The following ZRANB3 variants were observed in gnomAD, a reference collection of about 807,000 sequenced individuals.
ZRANB3 encodes the protein DNA annealing helicase and endonuclease ZRANB3.
Under a neutral mutation model 133.8 loss-of-function variants are expected in ZRANB3, and 125 were observed. That is an observed-to-expected ratio of 0.93 (90% CI 0.81 to 1.08). The LOEUF (loss-of-function observed/expected upper bound fraction) is 1.08, where lower values mean the gene tolerates loss of function less well. Ranked by LOEUF, ZRANB3 falls within the 50% of genes least tolerant of loss-of-function variation. The probability of loss-of-function intolerance (pLI) is 0.00; values close to 1 mark genes in which losing one functional copy is unlikely to be tolerated. For synonymous variants in ZRANB3, 387 were observed against 432.7 expected (o/e 0.89, Z 1.31); for missense variants, 1,229 against 1,275.5 (o/e 0.96, Z 0.56).
chr2:135,370,575 G>C (rs1686133688), intron 3 of ZRANB3, among the ~76,000 whole-genome samples: 1 of 152,100 alleles, frequency 6.6e-6, no homozygotes, highest in African/African-American at 2.4e-5. Context: ...GTTGCATACA[G>C]GAGTAAAAGT....
chr2:135,240,100 G>GTCTTT (rs1695487254), intron 12 of ZRANB3, among the ~76,000 whole-genome samples: 1 of 152,112 alleles, frequency 6.6e-6, no homozygotes, highest in Admixed American at 6.6e-5. Flanking sequence ...CCAGTACATT[G>GTCTTT]GGAAGCCAAG....
At chr2:135,507,127 G>A (rs147693581) in intron 1 of ZRANB3, among the ~76,000 whole-genome samples, 4 of 152,374 alleles carry the variant, frequency 2.6e-5, no homozygotes, top group African/African-American at 9.6e-5. Context: ...AACAGCATCT[G>A]CTGATGCGGT....
chr2:135,283,776 C>T (rs1573826166), intron 8 of ZRANB3, among the ~76,000 whole-genome samples: 1 of 152,102 alleles, frequency 6.6e-6, no homozygotes, highest in African/African-American at 2.4e-5. Flanking sequence ...AATGTACAGA[C>T]TTTAAAGTCT....
At position 135,396,019 on chromosome 2, in the gene ZRANB3, T is replaced by C. The variant is rs141213453; in HGVS notation, c.162-5199A>G. 2.9e-3 allele frequency among the ~76,000 whole-genome samples: 444 copies of C among 152,228 alleles called. 2 individuals carry two copies. The highest frequency in any genetic ancestry group is 0.01 in the African/African-American group (420 of 41,542). ...TTTTTAAATGGACAAAAGATCTGAA[T>C]AGATATTTTTCAAAGGAAGACATAC... On this transcript the variant is annotated intron_variant, in intron 2 of 20. Coordinates refer to ENST00000264159, the MANE Select transcript of ZRANB3 (RefSeq NM_032143.4).
chr2:135,283,349 G>A (rs947586752), intron 8 of ZRANB3, among the ~76,000 whole-genome samples: 2 of 151,928 alleles, frequency 1.3e-5, no homozygotes, highest in Non-Finnish European at 2.9e-5. Context: ...GGTGGCTCAC[G>A]CCTGTAATCC....
At chr2:135,486,461 CTAATTCTCT>C (rs1410180311) in intron 2 of ZRANB3, among the ~76,000 whole-genome samples, 6 of 151,950 alleles carry the variant, frequency 3.9e-5, no homozygotes, top group Non-Finnish European at 7.4e-5. Flanking sequence ...GGCTCTACTT[CTAATTCTCT>C]TGCTATTTCC....
chr2:135,468,044 C>T (rs1327941611), intron 2 of ZRANB3, among the ~76,000 whole-genome samples: 2 of 152,166 alleles, frequency 1.3e-5, no homozygotes, highest in African/African-American at 4.8e-5. Flanking sequence ...ATAATCCAGG[C>T]ATCTTATTCT....
At chr2:135,417,948 C>G (rs906790469) in intron 2 of ZRANB3, among the ~76,000 whole-genome samples, 4 of 151,722 alleles carry the variant, frequency 2.6e-5, no homozygotes, top group Non-Finnish European at 5.9e-5. Flanking sequence ...CATCACACTC[C>G]GGGGACTGTT....
intron 5 of ZRANB3, among the ~76,000 whole-genome samples, chr2:135,345,891 T>C (rs1482091991): frequency 6.6e-6 from 1 of 152,196 alleles, no homozygotes; most frequent in African/African-American, 2.4e-5. Flanking sequence ...ATATATATTG[T>C]TACACTAGAA....
chr2:135,227,922 T>C lies in ZRANB3; in HGVS notation c.2048A>G (p.Asp683Gly), dbSNP rs753895556. 27 of 1,556,582 alleles carry C rather than the reference T, an allele frequency of 1.7e-5. No individual in the cohort carries two copies. The highest frequency in any genetic ancestry group is 3.3e-4 in the Middle Eastern group (2 of 6,022). The change falls in exon 14 of 21, where the codon GAC (aspartate) becomes GGC (glycine). Residue 683 changes from aspartate (D) to glycine (G), a missense_variant. Physicochemically the swap from Asp to Gly is moderately conservative, Grantham distance 94. Transcript: ENST00000264159. ...DTSKKVQTIS[D>G]CEKQALAQSE... ...CTGTGCAAGGGCTTGTTTTTCACAG[T>C]CTGAGATAGTTTGAACCTTTTTGGA...
Position 135,315,380 on chromosome 2 carries a change from A to G in ZRANB3, c.828T>C (p.Asp276=), listed in dbSNP as rs538433714. ...TCACCTTGGCAGCTGCTGATGGAAG[A>G]TCAAATGGAATACGCTGTCTGACTT... ...PPKVRQRIPF[D]LPSAAAKELN... The change falls in exon 7 of 21, where the codon GAT becomes GAC. Residue 276 remains aspartate (D), a synonymous_variant. Transcript: ENST00000264159. The G allele has an allele frequency of 2.5e-4, 402 of 1,578,856 alleles. 5 individuals carry two copies. In the South Asian group the frequency reaches 4.2e-3, roughly 17 times the overall value.
At chr2:135,300,524 G>A (rs1344353973) in intron 8 of ZRANB3, among the ~76,000 whole-genome samples, 15 of 152,088 alleles carry the variant, frequency 9.9e-5, no homozygotes, top group Admixed American at 9.8e-4. Context: ...GTTGTGTTTG[G>A]CACAGATTAT....
intron 2 of ZRANB3, among the ~76,000 whole-genome samples, chr2:135,475,119 C>CA (rs1691448444): frequency 6.6e-6 from 1 of 152,218 alleles, no homozygotes; most frequent in African/African-American, 2.4e-5. Context: ...TGATGCCTAA[C>CA]AATGGGATCA....
chr2:135,516,577 G>A (rs1159900254), intron 1 of ZRANB3, among the ~76,000 whole-genome samples: 1 of 152,164 alleles, frequency 6.6e-6, no homozygotes, highest in Non-Finnish European at 1.5e-5. Flanking sequence ...TTTTCCTTAA[G>A]AATGACGAAT....
At chr2:135,319,150 T>TA (rs1362628640) in intron 6 of ZRANB3, among the ~76,000 whole-genome samples, 2 of 152,202 alleles carry the variant, frequency 1.3e-5, no homozygotes, top group Non-Finnish European at 2.9e-5. Flanking sequence ...TTTTTAGAGT[T>TA]AGACACTTTT....
intron 2 of ZRANB3, among the ~76,000 whole-genome samples, chr2:135,499,935 T>C (rs950149177): frequency 2.0e-5 from 3 of 152,138 alleles, no homozygotes; most frequent in Non-Finnish European, 2.9e-5. Context: ...GTATCACCAA[T>C]GTAACCAATA....
chr2:135,237,033 T>C (rs1466128504), intron 12 of ZRANB3, among the ~76,000 whole-genome samples: 1 of 152,058 alleles, frequency 6.6e-6, no homozygotes, highest in Non-Finnish European at 1.5e-5. Context: ...ATTTTTGCAA[T>C]CTACTCATCT....
At chr2:135,222,294 C>T (rs1694585088) in intron 15 of ZRANB3, among the ~76,000 whole-genome samples, 1 of 150,614 alleles carries the variant, frequency 6.6e-6, no homozygotes, top group Non-Finnish European at 1.5e-5. Flanking sequence ...CCCAGCTATT[C>T]GGGAGGCTGA....
chr2:135,201,521 C>G (rs902589955), intron 20 of ZRANB3, among the ~76,000 whole-genome samples: 1 of 151,814 alleles, frequency 6.6e-6, no homozygotes, highest in Non-Finnish European at 1.5e-5. Flanking sequence ...GGTGTGGTGG[C>G]GGGTGCCTGT....
Sources: allele counts gnomAD v4.1 joint callset (sites outside exome capture counted in the v4.1 genomes callset), GRCh38; gene constraint gnomAD v4.1.1; transcripts MANE v1.5; gene names NCBI Gene and HGNC (gene_info 2026-07-23, HGNC 2026-07-21).